Variants in CALD1 observed in about 807,000 individuals in gnomAD.
CALD1 encodes caldesmon 1, also known as caldesmon.
In CALD1, 33 loss-of-function variants were observed where a neutral mutation model predicts 99.9. The observed-to-expected ratio is 0.33, with a 90% CI of 0.25 to 0.44. CALD1 has a LOEUF of 0.44. Among genes scored for constraint, CALD1 ranks in the 20% least tolerant of loss-of-function variants. CALD1 has a pLI of 1.00. For missense variants in CALD1, 861 were observed against 962.1 expected, an observed-to-expected ratio of 0.89 and a Z score of 1.39; for synonymous variants, 310 against 325.0, an observed-to-expected ratio of 0.95 and a Z score of 0.50.
chr7:134,912,458 C>A (rs1416784097), intron 3 of CALD1, among the ~76,000 whole-genome samples: 1 of 152,218 alleles, frequency 6.6e-6, no homozygotes, highest in Non-Finnish European at 1.5e-5. Context: ...CTGACACTTA[C>A]ACACGGAGAG....
chr7:134,799,884 G>A (rs1014314992), intron 1 of CALD1, among the ~76,000 whole-genome samples: 2 of 152,032 alleles, frequency 1.3e-5, no homozygotes, highest in African/African-American at 4.8e-5. Context: ...AGAAAAACAA[G>A]GAAATTTTCA....
At chr7:134,908,292 T>G (rs113162756) in intron 3 of CALD1, among the ~76,000 whole-genome samples, 117 of 152,308 alleles carry the variant, frequency 7.7e-4, no homozygotes, top group African/African-American at 2.7e-3. Context: ...TATGCAACAA[T>G]ATTAAGTAAC....
intron 1 of CALD1, among the ~76,000 whole-genome samples, chr7:134,834,121 A>C (rs916558198): frequency 6.6e-6 from 1 of 152,248 alleles, no homozygotes; most frequent in Non-Finnish European, 1.5e-5. Context: ...TACTGTGATC[A>C]GAACTCCACA....
At chr7:134,779,247 T>C (rs1405638537), upstream of CALD1, among the ~76,000 whole-genome samples, 1 of 152,240 alleles carries the variant, frequency 6.6e-6, no homozygotes, top group African/African-American at 2.4e-5. Flanking sequence ...TGCATTTGTG[T>C]TCTACAAGAC....
At chr7:134,791,928 A>G (rs2131767432) in intron 1 of CALD1, among the ~76,000 whole-genome samples, 1 of 152,312 alleles carries the variant, frequency 6.6e-6, no homozygotes, top group African/African-American at 2.4e-5. Context: ...CCATTTATAA[A>G]GCCATCAGAT....
intron 3 of CALD1, among the ~76,000 whole-genome samples, chr7:134,907,875 T>C (rs1282551323): frequency 6.6e-6 from 1 of 152,160 alleles, no homozygotes; most frequent in Non-Finnish European, 1.5e-5. Context: ...CAAGCGCCTA[T>C]TGGTGAGGGA....
intron 9 of CALD1, among the ~76,000 whole-genome samples, chr7:134,953,445 C>T: frequency 6.6e-6 from 1 of 151,908 alleles, no homozygotes; most frequent in African/African-American, 2.4e-5. Context: ...GCCTGTAATC[C>T]CAGCTACTTG....
At chr7:134,816,424 T>A (rs1798567774) in intron 1 of CALD1, among the ~76,000 whole-genome samples, 1 of 152,176 alleles carries the variant, frequency 6.6e-6, no homozygotes, top group South Asian at 2.1e-4. Context: ...CTGGAAAAGG[T>A]GCGAATTTGA....
intron 2 of CALD1, among the ~76,000 whole-genome samples, chr7:134,848,194 C>A (rs575522745): frequency 6.6e-6 from 1 of 151,880 alleles, no homozygotes; most frequent in African/African-American, 2.4e-5. Context: ...TTTTAATAGA[C>A]GTTTCCTAGA....
intron 7 of CALD1, among the ~76,000 whole-genome samples, chr7:134,945,960 C>A (rs1407955314): frequency 6.6e-6 from 1 of 152,142 alleles, no homozygotes; most frequent in Non-Finnish European, 1.5e-5. Flanking sequence ...TACTTCAATG[C>A]CTACCCTTAG....
At chr7:134,958,872 A>AAC (rs1807994239) in intron 11 of CALD1, among the ~76,000 whole-genome samples, 1 of 124,864 alleles carries the variant, frequency 8.0e-6, no homozygotes, top group Non-Finnish European at 1.6e-5. Flanking sequence ...CTGGTATTTA[A>AAC]ATATATATAT....
upstream of CALD1, among the ~76,000 whole-genome samples, chr7:134,778,572 G>C (rs960303174): frequency 6.6e-6 from 1 of 152,184 alleles, no homozygotes; most frequent in African/African-American, 2.4e-5. Flanking sequence ...TACTAATTGA[G>C]TGAATTCTGT....
upstream of CALD1, among the ~76,000 whole-genome samples, chr7:134,741,004 C>T (rs1015982437): frequency 2.0e-5 from 3 of 152,106 alleles, no homozygotes; most frequent in African/African-American, 7.2e-5. Flanking sequence ...TGAGGCATAG[C>T]GAGGTTAGGT....
intron 11 of CALD1, among the ~76,000 whole-genome samples, 187 bp downstream of exon 11, chr7:134,958,477 C>G (rs1446297972): frequency 6.8e-6 from 1 of 147,406 alleles, no homozygotes; most frequent in Non-Finnish European, 1.5e-5. Context: ...ATGGCAATCT[C>G]AGCTCACTGC....
At chr7:134,861,320 G>T (rs1800554513) in intron 2 of CALD1, among the ~76,000 whole-genome samples, 1 of 152,200 alleles carries the variant, frequency 6.6e-6, no homozygotes, top group African/African-American at 2.4e-5. Flanking sequence ...GGTAAGCGAT[G>T]ATCATTGCAG....
chr7:134,779,660 C>G lies in CALD1; in HGVS notation c.-219C>G. 5.0e-6 allele frequency: 2 copies of G among 398,726 alleles called. No individual in the cohort carries two copies. The highest frequency in any genetic ancestry group is 4.4e-6 in the Non-Finnish European group (1 of 226,212). 24.7% of individuals were successfully genotyped at this position (398,726 alleles called of 1,614,324 possible). A position where few individuals can be genotyped will look rare whatever the true frequency, so the allele number is the denominator to read the frequency against. On this transcript the variant is annotated 5_prime_UTR_variant, in exon 1 of 15. Transcript: ENST00000361675. The stretch of plus-strand genomic sequence containing the variant: ...GTGTGTATTCGGCTGCCTGCCTGCC[C>G]GCCTGCTTGCTCTCTGGCTGTGCTC...
At chr7:134,765,934 T>C (rs1796821804) in intron 1 of CALD1, among the ~76,000 whole-genome samples, 1 of 152,078 alleles carries the variant, frequency 6.6e-6, no homozygotes, top group South Asian at 2.1e-4. Flanking sequence ...TCTGGCTGTT[T>C]AAAAGTGTAT....
At chr7:134,947,430 G>A (rs904418407) in intron 7 of CALD1, 78 bp from the exon 8 acceptor site, 7 of 1,425,714 alleles carry the variant, frequency 4.9e-6, no homozygotes, top group African/African-American at 2.9e-5. Flanking sequence ...TGCAGAAGCC[G>A]CAGACCGACC....
At chr7:134,909,944 A>C (rs1390796515) in intron 3 of CALD1, among the ~76,000 whole-genome samples, 4 of 152,226 alleles carry the variant, frequency 2.6e-5, no homozygotes, top group Admixed American at 2.6e-4. Flanking sequence ...CTGTGGGATC[A>C]AGTAAGATTG....
Sources: allele counts gnomAD v4.1 joint callset (sites outside exome capture counted in the v4.1 genomes callset), GRCh38; gene constraint gnomAD v4.1.1; transcripts MANE v1.5; gene names NCBI Gene and HGNC (gene_info 2026-07-23, HGNC 2026-07-21).